Variants in EPB41L5 observed in about 807,000 individuals in gnomAD.
EPB41L5 encodes erythrocyte membrane protein band 4.1 like 5.
A neutral mutation model predicts 106.6 loss-of-function variants in EPB41L5; 55 were observed. The ratio of observed to expected loss-of-function variants is 0.52; its 90% CI spans 0.42 to 0.65. EPB41L5 has a LOEUF of 0.65. EPB41L5 is among the 30% of genes least tolerant of loss of function. EPB41L5 has a pLI of 0.00. For missense variants in EPB41L5, 871 were observed against 882.1 expected, an observed-to-expected ratio of 0.99 and a Z score of 0.16; for synonymous variants, 297 against 306.7, an observed-to-expected ratio of 0.97 and a Z score of 0.33.
intron 16 of EPB41L5, among the ~76,000 whole-genome samples, chr2:120,101,334 TTTAA>T (rs1369825402): frequency 6.6e-6 from 1 of 152,204 alleles, no homozygotes; most frequent in Non-Finnish European, 1.5e-5. Flanking sequence ...AAAAAGATAC[TTTAA>T]TTATTTAGAC....
chr2:120,075,550 A>G (rs745347036), intron 6 of EPB41L5, 30 bp downstream of exon 6: 7 of 1,507,294 alleles, frequency 4.6e-6, no homozygotes, highest in Middle Eastern at 1.7e-4. Context: ...GGATAAATGC[A>G]CATTTTCGTG....
intron 2 of EPB41L5, among the ~76,000 whole-genome samples, chr2:120,036,682 A>C (rs1449208261): frequency 1.3e-5 from 2 of 152,196 alleles, no homozygotes; most frequent in Non-Finnish European, 2.9e-5. Flanking sequence ...TGAAACAAGA[A>C]CAAAAACTTA....
At chr2:120,036,861 A>T (rs928037779) in intron 2 of EPB41L5, among the ~76,000 whole-genome samples, 1 of 152,132 alleles carries the variant, frequency 6.6e-6, no homozygotes, top group African/African-American at 2.4e-5. Flanking sequence ...TGAAGCATAA[A>T]ATAAAAATTA....
chr2:120,067,784 G>C (rs1264376887), intron 3 of EPB41L5, among the ~76,000 whole-genome samples: 1 of 152,086 alleles, frequency 6.6e-6, no homozygotes, highest in Non-Finnish European at 1.5e-5. Flanking sequence ...CTAATTTTTG[G>C]TTATAATCTG....
chr2:120,025,935 A>G (rs1341509304), intron 2 of EPB41L5, among the ~76,000 whole-genome samples: 1 of 152,242 alleles, frequency 6.6e-6, no homozygotes, highest in Non-Finnish European at 1.5e-5. Context: ...GGATAGACAC[A>G]TAGGTCTGTG....
chr2:120,150,661 C>A (rs1686631193), intron 20 of EPB41L5, among the ~76,000 whole-genome samples: 1 of 149,086 alleles, frequency 6.7e-6, no homozygotes, highest in Non-Finnish European at 1.5e-5. Context: ...ATTTTTATTT[C>A]TTTTTTTTTT....
intron 16 of EPB41L5, among the ~76,000 whole-genome samples, chr2:120,116,341 A>G (rs140936731): frequency 0.011 from 1,599 of 152,260 alleles, 13 homozygotes; most frequent in Middle Eastern, 0.027. Flanking sequence ...CAGCTTTCAC[A>G]ATGATTCTGC....
rs930914485 is a variant in EPB41L5, at chr2:120,022,280, C to T, written c.180+3016C>T. Among the ~76,000 whole-genome samples the T allele has an allele frequency of 2.0e-5, 3 of 152,020 alleles. No individual in the cohort carries two copies. In the East Asian group the frequency reaches 5.8e-4, roughly 29 times the overall value. On this transcript the variant is annotated intron_variant, in intron 2 of 24. Coordinates refer to ENST00000263713, the MANE Select transcript of EPB41L5 (RefSeq NM_020909.4). ...ACACGTGCCATCGTGGTTTGCTGTA[C>T]ACATCAACCCGTCATCTACATTAGG...
chr2:120,049,944 A>G (rs1291030170), intron 3 of EPB41L5, among the ~76,000 whole-genome samples: 1 of 152,170 alleles, frequency 6.6e-6, no homozygotes, highest in Non-Finnish European at 1.5e-5. Flanking sequence ...GCTGGATATG[A>G]AATTCTGGGT....
In EPB41L5 at chr2:120,104,466, G is replaced by A. The variant is rs1049290971; in HGVS notation, c.1337+3652G>A. ...GACAAATGTTTGTGTTGAAAAGAGT[G>A]TGTATACCATTGTGGTTTTGGAAGA... On this transcript the variant is annotated intron_variant, in intron 16 of 24. Transcript: ENST00000263713. 4 of 1,253,182 alleles carry A rather than the reference G, an allele frequency of 3.2e-6. No individual in the cohort carries two copies. In the African/African-American group the frequency reaches 4.6e-5, roughly 14 times the overall value. The allele number at this position is 1,253,182 out of a possible 1,614,324, so 77.6% of individuals were successfully genotyped here.
intron 20 of EPB41L5, among the ~76,000 whole-genome samples, chr2:120,152,458 G>T (rs1047098020): frequency 1.3e-5 from 2 of 152,080 alleles, no homozygotes; most frequent in Non-Finnish European, 2.9e-5. Context: ...AGGGATATTG[G>T]TCTGTAGGTT....
chr2:120,155,079 A>T (rs2105522376), intron 20 of EPB41L5, among the ~76,000 whole-genome samples: 1 of 152,332 alleles, frequency 6.6e-6, no homozygotes, highest in African/African-American at 2.4e-5. Context: ...CTGTTTAATT[A>T]CCTTTACCAG....
intron 16 of EPB41L5, among the ~76,000 whole-genome samples, chr2:120,121,470 G>C (rs1685213793): frequency 6.6e-6 from 1 of 152,078 alleles, no homozygotes; most frequent in Non-Finnish European, 1.5e-5. Flanking sequence ...CTGTCCTTGT[G>C]ATAGTTTGCT....
chr2:120,121,327 AT>A (rs1685206778), intron 16 of EPB41L5, among the ~76,000 whole-genome samples: 1 of 152,040 alleles, frequency 6.6e-6, no homozygotes, highest in Admixed American at 6.6e-5. Flanking sequence ...TACATTAGGT[AT>A]TTCTCCTAAT....
At chr2:120,017,657 TTTATG>T (rs949547506) in intron 1 of EPB41L5, among the ~76,000 whole-genome samples, 12 of 152,338 alleles carry the variant, frequency 7.9e-5, no homozygotes, top group African/African-American at 2.9e-4. Flanking sequence ...ATTAAAAAGA[TTTATG>T]TTAAGTAGTT....
chr2:120,167,880 A>T lies in EPB41L5; in HGVS notation c.2008A>T (p.Ser670Cys). 1 of 1,614,088 alleles carries T rather than the reference A, an allele frequency of 6.2e-7. No homozygotes were observed. ...MITPRWIVPQSGAMSNGLAGC... is the reference protein window; with the variant it reads ...MITPRWIVPQCGAMSNGLAGC... ...GTTGTGTGTGTATCTCCCACAGCAGAGTGGTGCCATGTCTAATGGACTTGC... is the reference window on the plus strand; with the variant it reads ...GTTGTGTGTGTATCTCCCACAGCAGTGTGGTGCCATGTCTAATGGACTTGC... Residue 670 changes from serine (S) to cysteine (C), a missense_variant, in exon 24 of 25, where the codon AGT (serine) becomes TGT (cysteine). Coordinates refer to ENST00000263713, the MANE Select transcript of EPB41L5 (RefSeq NM_020909.4).
chr2:120,102,729 C>T (rs553736050), intron 16 of EPB41L5, among the ~76,000 whole-genome samples: 173 of 152,242 alleles, frequency 1.1e-3, no homozygotes, highest in Non-Finnish European at 1.5e-3. Context: ...CATTTTTTTG[C>T]TGGTATCTTT....
chr2:120,076,940 T>A, intron 7 of EPB41L5, 31 bp from the exon 8 acceptor site: 1 of 1,542,198 alleles, frequency 6.5e-7, no homozygotes, highest in Non-Finnish European at 8.8e-7. Context: ...TAGCAGGAAA[T>A]ACATATAACT....
At chr2:120,032,802 G>A (rs1386588457) in intron 2 of EPB41L5, among the ~76,000 whole-genome samples, 1 of 152,194 alleles carries the variant, frequency 6.6e-6, no homozygotes, top group Non-Finnish European at 1.5e-5. Flanking sequence ...TATACTGTAA[G>A]AGTAACATTC....
Sources: gnomAD v4.1 joint callset for allele counts (sites outside exome capture counted in the v4.1 genomes callset) on GRCh38, gnomAD v4.1.1 for gene constraint, MANE v1.5 for transcripts, NCBI Gene and HGNC (gene_info 2026-07-23, HGNC 2026-07-21) for gene names.